Variants in PEX2 observed in about 807,000 individuals in gnomAD.
PEX2 encodes the protein peroxisomal biogenesis factor 2.
PEX2 carries 19 observed loss-of-function variants against 25.2 expected under a neutral mutation model. The observed-to-expected ratio is 0.75, with a 90% CI of 0.53 to 1.10. The LOEUF is 1.10. PEX2 is among the 50% of genes least tolerant of loss of function. PEX2 has a pLI of 0.00. For synonymous variants in PEX2, 141 were observed against 127.7 expected, an observed-to-expected ratio of 1.10 and a Z score of -0.70; for missense variants, 347 against 350.6, an observed-to-expected ratio of 0.99 and a Z score of 0.08.
Position 76,983,231 on chromosome 8 carries a change from T to C in PEX2, c.*30A>G, listed in dbSNP as rs1806888567. 1 of 1,606,738 alleles carries C rather than the reference T, an allele frequency of 6.2e-7. No homozygotes were observed. The highest frequency in any genetic ancestry group is 8.5e-7 in the Non-Finnish European group (1 of 1,179,864). On this transcript the variant is annotated 3_prime_UTR_variant, in exon 4 of 4. Transcript: ENST00000357039. ...TATTAAGAATTTAAACACGGTGCAT[T>C]TTTTTCCTCAAAGGAAGCAATTTTA...
chr8:76,981,986 T>G lies in PEX2; in HGVS notation c.*1275A>C, dbSNP rs1208523282. On this transcript the variant is annotated 3_prime_UTR_variant, in exon 4 of 4. Coordinates refer to ENST00000357039, the MANE Select transcript of PEX2 (RefSeq NM_000318.3). ...CCTGCTTAATATACTGTTGTGCCTC[T>G]AATGGCTACATCAGTACCTGGCACC... 2.0e-5 allele frequency: 3 copies of G among 152,234 alleles called. No homozygotes were observed. The highest frequency in any genetic ancestry group is 4.8e-5 in the African/African-American group (2 of 41,454). 9.4% of individuals were successfully genotyped at this position (152,234 alleles called of 1,614,324 possible). A position where few individuals can be genotyped will look rare whatever the true frequency, so the allele number is the denominator to read the frequency against.
chr8:76,987,976 T>C (rs1388127728), intron 2 of PEX2: 2 of 152,248 alleles, frequency 1.3e-5, no homozygotes, highest in Non-Finnish European at 2.9e-5. Flanking sequence ...GGTAGAATTT[T>C]AGAAGTCTGA....
chr8:76,997,701 T>A (rs1807380204), intron 1 of PEX2, among the ~76,000 whole-genome samples: 1 of 152,178 alleles, frequency 6.6e-6, no homozygotes, highest in African/African-American at 2.4e-5. Context: ...CAGGCAGTAA[T>A]AAGGGAGATG....
At chr8:76,999,938 C>T (rs1563614456) in intron 1 of PEX2, 52 bp downstream of exon 1, 1 of 456,640 alleles carries the variant, frequency 2.2e-6, no homozygotes, top group Non-Finnish European at 4.4e-6. Context: ...GACCTCCCAG[C>T]TGAAAACAAG....
chr8:76,989,719 G>A (rs1365069286), intron 1 of PEX2, among the ~76,000 whole-genome samples: 1 of 152,182 alleles, frequency 6.6e-6, no homozygotes, highest in Non-Finnish European at 1.5e-5. Context: ...TCACCTGTGT[G>A]CTTAAAATAT....
In PEX2 at chr8:76,980,645, C is replaced by G. The variant is rs1806790737; in HGVS notation, c.*2616G>C. On this transcript the variant is annotated 3_prime_UTR_variant, in exon 4 of 4. Transcript: ENST00000357039. ...GTGAGCTCCTGGACTTTAGCTGTAACTATTAGGCAAGAGTATCTCATGCCA... is the reference window on the plus strand; with the variant it reads ...GTGAGCTCCTGGACTTTAGCTGTAAGTATTAGGCAAGAGTATCTCATGCCA... 6.6e-6 allele frequency: 1 copy of G among 152,212 alleles called. No homozygotes were observed. The highest frequency in any genetic ancestry group is 1.5e-5 in the Non-Finnish European group (1 of 68,044). 9.4% of individuals were successfully genotyped at this position (152,212 alleles called of 1,614,324 possible). A position where few individuals can be genotyped will look rare whatever the true frequency, so the allele number is the denominator to read the frequency against.
At chr8:76,992,466 A>G (rs1807200859) in intron 1 of PEX2, among the ~76,000 whole-genome samples, 1 of 152,188 alleles carries the variant, frequency 6.6e-6, no homozygotes, top group Non-Finnish European at 1.5e-5. Context: ...AGGTACAGCT[A>G]TTCTAGAATA....
At chr8:76,995,414 A>G (rs1035042964) in intron 1 of PEX2, among the ~76,000 whole-genome samples, 26 of 152,212 alleles carry the variant, frequency 1.7e-4, no homozygotes, top group Non-Finnish European at 3.4e-4. Context: ...AATGTATCTG[A>G]AAGATAAACT....
At chr8:76,991,095 T>C (rs920247745) in intron 1 of PEX2, among the ~76,000 whole-genome samples, 6 of 152,312 alleles carry the variant, frequency 3.9e-5, no homozygotes, top group Admixed American at 2.0e-4. Flanking sequence ...TGTACCCCCT[T>C]GATAAGCAAC....
At chr8:76,992,363 C>T (rs1165961000) in intron 1 of PEX2, among the ~76,000 whole-genome samples, 1 of 152,120 alleles carries the variant, frequency 6.6e-6, no homozygotes, top group Non-Finnish European at 1.5e-5. Context: ...ACAGGCAGTC[C>T]AAGACAAGCA....
intron 1 of PEX2, among the ~76,000 whole-genome samples, chr8:76,997,494 G>A (rs139744129): frequency 3.3e-5 from 5 of 152,176 alleles, no homozygotes; most frequent in African/African-American, 9.6e-5. Context: ...GCTTGAACTC[G>A]GGAGGCAGAG....
In PEX2 at chr8:76,983,774, G is replaced by C. The variant is rs1397867912; in HGVS notation, c.405C>G (p.Val135=). ...CAATCACAAAATTCACACACTGCTT[G>C]ACTTTCCCAAATGATGCTAAATGAT... The part of the protein sequence containing the change: ...RNHHLASFGK[V]KQCVNFVIGL... The change falls in exon 4 of 4, where the codon GTC becomes GTG. Residue 135 remains valine (V), a synonymous_variant. Coordinates refer to ENST00000357039, the MANE Select transcript of PEX2 (RefSeq NM_000318.3). 6.2e-7 allele frequency: 1 copy of C among 1,614,040 alleles called. No homozygotes were observed. Among genetic ancestry groups the C allele is most frequent in the Non-Finnish European group, 8.5e-7 (1 of 1,180,016 alleles).
At chr8:76,990,172 C>T (rs766231546) in intron 1 of PEX2, among the ~76,000 whole-genome samples, 1 of 152,158 alleles carries the variant, frequency 6.6e-6, no homozygotes, top group Non-Finnish European at 1.5e-5. Context: ...CTAGCTTCCA[C>T]CTTTTCTTCT....
chr8:76,993,548 C>G (rs1807235128), intron 1 of PEX2, among the ~76,000 whole-genome samples: 1 of 152,192 alleles, frequency 6.6e-6, no homozygotes, highest in Non-Finnish European at 1.5e-5. Flanking sequence ...ACTGGTAAGT[C>G]TATTTTGACT....
In PEX2 at chr8:76,983,712, A is replaced by G. The variant is rs1249789283; in HGVS notation, c.467T>C (p.Ile156Thr). The change falls in exon 4 of 4, where the codon ATT (isoleucine) becomes ACT (threonine). Residue 156 changes from isoleucine (I) to threonine (T), a missense_variant. Ile to Thr is a moderately conservative substitution (Grantham distance 89, BLOSUM62 -1). Coordinates refer to ENST00000357039, the MANE Select transcript of PEX2 (RefSeq NM_000318.3). The stretch of plus-strand genomic sequence containing the variant: ...TGCAAACTTTCCCCTCTGAAGGAAA[A>G]TCAAAAAATTAATCAGCCCACCTAA... The part of the protein sequence containing the change: ...LKLGGLINFL[I>T]FLQRGKFATL... 3 of 1,613,988 alleles carry G rather than the reference A, an allele frequency of 1.9e-6. No homozygotes were observed. The African/African-American group carries it at 4.0e-5, about 22-fold the overall frequency.
In PEX2 at chr8:76,983,024, T is replaced by C; in HGVS notation, c.*237A>G. 1 of 1,167,082 alleles carries C rather than the reference T, an allele frequency of 8.6e-7. No individual in the cohort carries two copies. The highest frequency in any genetic ancestry group is 1.8e-5 in the South Asian group (1 of 56,274). 72.3% of individuals were successfully genotyped at this position (1,167,082 alleles called of 1,614,324 possible). On this transcript the variant is annotated 3_prime_UTR_variant, in exon 4 of 4. Transcript: ENST00000357039. The stretch of plus-strand genomic sequence containing the variant: ...TCACCTGACAAAAGCTGTCCATTAT[T>C]CTTGACATTAAAAATTGAATGCAAT...
intron 1 of PEX2, among the ~76,000 whole-genome samples, chr8:76,994,687 A>G (rs1421206747): frequency 6.6e-6 from 1 of 151,978 alleles, no homozygotes; most frequent in Admixed American, 6.6e-5. Context: ...CCACTCATGC[A>G]CCCCCTGCCA....
In PEX2 at chr8:76,984,012, A is replaced by G; in HGVS notation, c.167T>C (p.Val56Ala). 2 of 1,613,916 alleles carry G rather than the reference A, an allele frequency of 1.2e-6. No individual in the cohort carries two copies. The highest frequency in any genetic ancestry group is 1.7e-6 in the Non-Finnish European group (2 of 1,179,848). ...PGLLARFEPE[V>A]KACLWVFLWR... ...CAAGAAAACCCATAAGCACGCTTTCACCTCTGGCTCAAAGCGAGCTAACAG... is the reference window on the plus strand; with the variant it reads ...CAAGAAAACCCATAAGCACGCTTTCGCCTCTGGCTCAAAGCGAGCTAACAG... Residue 56 changes from valine (V) to alanine (A), a missense_variant, in exon 4 of 4, where the codon GTG (valine) becomes GCG (alanine). By Grantham distance (64) the Val-to-Ala change is moderately conservative. Coordinates refer to ENST00000357039, the MANE Select transcript of PEX2 (RefSeq NM_000318.3).
rs577837842 is a variant in PEX2 at position 76,992,167 on chromosome 8, G to T, written c.-159-3829C>A. 3.3e-5 allele frequency among the ~76,000 whole-genome samples: 5 copies of T among 152,276 alleles called. No individual in the cohort carries two copies. The East Asian group carries it at 9.7e-4, about 29-fold the overall frequency. On this transcript the variant is annotated intron_variant, in intron 1 of 3. Transcript: ENST00000357039. ...GTGGAACTCACTGCCCACTTAACTT[G>T]CACCTTGTCTGAAAGGATATGACAC...
Sources: gnomAD v4.1 joint callset for allele counts (sites outside exome capture counted in the v4.1 genomes callset) on GRCh38, gnomAD v4.1.1 for gene constraint, MANE v1.5 for transcripts, NCBI Gene and HGNC (gene_info 2026-07-23, HGNC 2026-07-21) for gene names.